TTC7B: variants seen among roughly 807,000 people sequenced by gnomAD.
The protein encoded by TTC7B is tetratricopeptide repeat protein 7B.
A neutral mutation model predicts 106.8 loss-of-function variants in TTC7B; 28 were observed. That is an observed-to-expected ratio of 0.26 (90% CI 0.19 to 0.36). The LOEUF (loss-of-function observed/expected upper bound fraction) is 0.36. Ranked by LOEUF, TTC7B falls within the 10% of genes least tolerant of loss-of-function variation. TTC7B has a pLI of 1.00. For synonymous variants in TTC7B, 405 were observed against 430.6 expected (o/e 0.94, Z 0.74); for missense variants, 862 against 1,076.4 (o/e 0.80, Z 2.79).
At chr14:90,653,190 G>T (rs1222281663) in intron 12 of TTC7B, among the ~76,000 whole-genome samples, 1 of 152,228 alleles carries the variant, frequency 6.6e-6, no homozygotes, top group Admixed American at 6.5e-5. Flanking sequence ...CAAAAGACCA[G>T]TTGGGAACTC....
intron 1 of TTC7B, among the ~76,000 whole-genome samples, chr14:90,794,977 AC>A (rs1202460109): frequency 6.6e-6 from 1 of 152,092 alleles, no homozygotes; most frequent in Non-Finnish European, 1.5e-5. Flanking sequence ...CCAATTCAGA[AC>A]CCACTAGCAA....
At chr14:90,746,725 G>A (rs146545929) in intron 3 of TTC7B, among the ~76,000 whole-genome samples, 9 of 152,160 alleles carry the variant, frequency 5.9e-5, no homozygotes, top group East Asian at 5.8e-4. Context: ...CAATTTCTCC[G>A]TAAGGTCTGC....
intron 19 of TTC7B, among the ~76,000 whole-genome samples, chr14:90,545,281 C>A (rs150757211): frequency 8.3e-4 from 126 of 152,348 alleles, no homozygotes; most frequent in African/African-American, 2.9e-3. Flanking sequence ...GGCACTCAGG[C>A]AATAACCCAG....
At chr14:90,636,891 A>G (rs1460254749) in intron 15 of TTC7B, among the ~76,000 whole-genome samples, 1 of 151,890 alleles carries the variant, frequency 6.6e-6, no homozygotes. Context: ...AGCAGCATTT[A>G]GAGGAAAATT....
Position 90,572,796 on chromosome 14 carries a change from G to C in TTC7B, c.2310+5310C>G, listed in dbSNP as rs74081226. On this transcript the variant is annotated intron_variant, in intron 19 of 19. Transcript: ENST00000328459. ...GACCCCTTATGGTAACCTGAAAAAT[G>C]TGTTTTTCCACCAAGCAGCGCTCCT... 4.2e-3 allele frequency among the ~76,000 whole-genome samples: 645 copies of C among 152,312 alleles called. 4 individuals carry two copies. The highest frequency in any genetic ancestry group is 0.015 in the African/African-American group (619 of 41,564).
chr14:90,710,688 C>T (rs1373776748), intron 5 of TTC7B, among the ~76,000 whole-genome samples: 1 of 152,220 alleles, frequency 6.6e-6, no homozygotes, highest in Non-Finnish European at 1.5e-5. Context: ...AAGCAAAACC[C>T]TCTACCAGCA....
At chr14:90,636,968 A>AG (rs918890773) in intron 15 of TTC7B, among the ~76,000 whole-genome samples, 5 of 151,322 alleles carry the variant, frequency 3.3e-5, no homozygotes, top group African/African-American at 1.2e-4. Flanking sequence ...TAAGAGATTA[A>AG]GAAAAAAAAA....
intron 15 of TTC7B, among the ~76,000 whole-genome samples, chr14:90,630,997 G>A (rs568966449): frequency 6.6e-6 from 1 of 152,184 alleles, no homozygotes; most frequent in East Asian, 1.9e-4. Context: ...ACCACGCCCA[G>A]CTAATTTTTT....
chr14:90,593,000 C>T (rs1035479105), intron 18 of TTC7B, among the ~76,000 whole-genome samples: 1 of 152,126 alleles, frequency 6.6e-6, no homozygotes. Flanking sequence ...TCAGGGACTC[C>T]AAGAATTCAC....
intron 16 of TTC7B, 43 bp from the exon 17 acceptor site, chr14:90,610,882 A>G (rs1207187002): frequency 7.0e-6 from 10 of 1,431,664 alleles, no homozygotes; most frequent in Non-Finnish European, 9.9e-6. Context: ...GCAAGGTGGG[A>G]GGAGGGAAGG....
At chr14:90,620,634 A>G (rs1364852562) in intron 15 of TTC7B, among the ~76,000 whole-genome samples, 1 of 152,180 alleles carries the variant, frequency 6.6e-6, no homozygotes, top group African/African-American at 2.4e-5. Flanking sequence ...TCTGGGGGCC[A>G]TGCCAAGAAC....
intron 4 of TTC7B, among the ~76,000 whole-genome samples, chr14:90,737,405 G>A (rs965869639): frequency 6.6e-6 from 1 of 152,080 alleles, no homozygotes. Context: ...ATACCATGTA[G>A]CACATATCCA....
intron 9 of TTC7B, among the ~76,000 whole-genome samples, chr14:90,666,298 AT>A (rs1177826267): frequency 6.6e-6 from 1 of 152,152 alleles, no homozygotes; most frequent in African/African-American, 2.4e-5. Context: ...AATAGCTGGG[AT>A]TACAGGCGTG....
chr14:90,758,240 C>A (rs1359833657), intron 3 of TTC7B, among the ~76,000 whole-genome samples: 6 of 151,004 alleles, frequency 4.0e-5, no homozygotes. Context: ...CTTGGGGCAC[C>A]ACTGTCCCGG....
chr14:90,600,832 G>C lies in TTC7B; in HGVS notation c.1967-7206C>G, dbSNP rs1382542117. Among the ~76,000 whole-genome samples, 1 of 152,224 alleles carries C rather than the reference G, an allele frequency of 6.6e-6. No individual in the cohort carries two copies. The highest frequency in any genetic ancestry group is 6.5e-5 in the Admixed American group (1 of 15,292). On this transcript the variant is annotated intron_variant, in intron 17 of 19. Transcript: ENST00000328459. The surrounding 1 kb of genome is among the most constrained non-coding windows in gnomAD (Gnocchi z 4.3). ...TGCCGGTGGCTCTGCGCTAGAGACA[G>C]TACCTTCTGGAGGACTACATTGGGC...
rs766559167 is a variant in TTC7B at position 90,763,248 on chromosome 14, G to A, written c.445+17490C>T. 9.9e-5 allele frequency among the ~76,000 whole-genome samples: 15 copies of A among 152,014 alleles called. No homozygotes were observed. In the East Asian group the frequency reaches 2.5e-3, roughly 25 times the overall value. On this transcript the variant is annotated intron_variant, in intron 3 of 19. Transcript: ENST00000328459. ...GTTTAATATATGAAAATCATTCAAC[G>A]TAAAATGCAATATTTAAAAAATAAA...
At chr14:90,661,301 C>T (rs1014403011) in intron 9 of TTC7B, among the ~76,000 whole-genome samples, 5 of 152,224 alleles carry the variant, frequency 3.3e-5, no homozygotes, top group Non-Finnish European at 7.3e-5. Flanking sequence ...AACCTGAACC[C>T]AGGGCCCTCT....
chr14:90,721,041 C>T (rs1384367654), intron 5 of TTC7B, among the ~76,000 whole-genome samples: 1 of 152,140 alleles, frequency 6.6e-6, no homozygotes, highest in African/African-American at 2.4e-5. Flanking sequence ...CAAGGAATTC[C>T]AGTTTCTTGG....
intron 17 of TTC7B, among the ~76,000 whole-genome samples, chr14:90,595,829 C>T (rs1266723760): frequency 6.6e-6 from 1 of 152,162 alleles, no homozygotes; most frequent in African/African-American, 2.4e-5. Context: ...TTCCAATGTG[C>T]CGCTAAGACT....
Sources: gnomAD v4.1 joint callset for allele counts (sites outside exome capture counted in the v4.1 genomes callset) on GRCh38, gnomAD v4.1.1 for gene constraint, Gnocchi (gnomAD v3.1) non-coding constraint, MANE v1.5 for transcripts, NCBI Gene and HGNC (gene_info 2026-07-23, HGNC 2026-07-21) for gene names.